Variants in ABTB3 observed in about 807,000 individuals in gnomAD.
The protein encoded by ABTB3 is ankyrin repeat- and BTB/POZ domain-containing protein 3.
chr12:107,376,691 T>A, the ABTB3 span, among the ~76,000 whole-genome samples: 1 of 152,046 alleles, frequency 6.6e-6, no homozygotes, highest in African/African-American at 2.4e-5. Flanking sequence ...GAGAAACAAG[T>A]ACTACTGCTG....
At chr12:107,395,865 A>G in the ABTB3 span, among the ~76,000 whole-genome samples, 1 of 152,374 alleles carries the variant, frequency 6.6e-6, no homozygotes, top group Non-Finnish European at 1.5e-5. Context: ...GCAACACAGC[A>G]ACCCTGTATG....
the ABTB3 span, among the ~76,000 whole-genome samples, chr12:107,490,627 G>A: frequency 6.6e-6 from 1 of 152,094 alleles, no homozygotes; most frequent in African/African-American, 2.4e-5. Flanking sequence ...AAACAACCCT[G>A]TCTCCTGGTG....
the ABTB3 span, among the ~76,000 whole-genome samples, chr12:107,382,883 C>A: frequency 6.6e-6 from 1 of 152,048 alleles, no homozygotes; most frequent in African/African-American, 2.4e-5. Flanking sequence ...ATGTTCTGCA[C>A]GTGTATCCCA....
At chr12:107,474,776 A>T in the ABTB3 span, among the ~76,000 whole-genome samples, 2 of 151,998 alleles carry the variant, frequency 1.3e-5, no homozygotes, top group African/African-American at 4.8e-5. Flanking sequence ...TTAAGGCAGC[A>T]GATGCCCTGC....
the ABTB3 span, among the ~76,000 whole-genome samples, chr12:107,370,598 T>C: frequency 6.6e-6 from 1 of 152,062 alleles, no homozygotes; most frequent in Non-Finnish European, 1.5e-5. Context: ...GGTCTCTGGG[T>C]CACAGGCTTG....
chr12:107,484,143 T>C, the ABTB3 span, among the ~76,000 whole-genome samples: 2 of 152,224 alleles, frequency 1.3e-5, no homozygotes, highest in African/African-American at 4.8e-5. Flanking sequence ...CATCCCTGTC[T>C]TTGTAGAGCT....
At chr12:107,624,888 G>C in the ABTB3 span, among the ~76,000 whole-genome samples, 3 of 152,098 alleles carry the variant, frequency 2.0e-5, no homozygotes, top group African/African-American at 7.2e-5. Flanking sequence ...TTGCATGTTT[G>C]GTTTTTAAAT....
At chr12:107,488,853 T>C in the ABTB3 span, among the ~76,000 whole-genome samples, 1 of 152,048 alleles carries the variant, frequency 6.6e-6, no homozygotes, top group African/African-American at 2.4e-5. Flanking sequence ...TGGAATGCTA[T>C]TTAGAACAGT....
At chr12:107,460,027 C>T in the ABTB3 span, among the ~76,000 whole-genome samples, 3 of 152,234 alleles carry the variant, frequency 2.0e-5, no homozygotes, top group Admixed American at 6.5e-5. Flanking sequence ...CCTGTACCCT[C>T]CTGGTGCCCT....
chr12:107,532,466 C>G, the ABTB3 span, among the ~76,000 whole-genome samples: 2 of 152,238 alleles, frequency 1.3e-5, no homozygotes, highest in African/African-American at 2.4e-5. Flanking sequence ...AAAGGCTACA[C>G]TGCTGCGCCC....
At chr12:107,613,655 G>T in the ABTB3 span, among the ~76,000 whole-genome samples, 1 of 152,046 alleles carries the variant, frequency 6.6e-6, no homozygotes, top group Admixed American at 6.6e-5. Flanking sequence ...GTTAATATTG[G>T]TCCCTCCACC....
the ABTB3 span, among the ~76,000 whole-genome samples, chr12:107,351,778 C>T: frequency 6.6e-6 from 1 of 152,150 alleles, no homozygotes; most frequent in Admixed American, 6.5e-5. Flanking sequence ...ATGACACAGT[C>T]TCAGATATTC....
At chr12:107,634,944 A>T in the ABTB3 span, 2 of 177,898 alleles carry the variant, frequency 1.1e-5, no homozygotes, top group Non-Finnish European at 2.3e-5. Flanking sequence ...CCAGAATTTT[A>T]GAGTACTGGT....
the ABTB3 span, among the ~76,000 whole-genome samples, chr12:107,427,158 C>A: frequency 2.0e-5 from 3 of 152,204 alleles, no homozygotes; most frequent in Admixed American, 6.5e-5. Context: ...CCAGGGGAAA[C>A]CCTTCCTTGC....
At chr12:107,374,285 G>T in the ABTB3 span, among the ~76,000 whole-genome samples, 1 of 152,086 alleles carries the variant, frequency 6.6e-6, no homozygotes, top group African/African-American at 2.4e-5. Context: ...GCCTGACTTC[G>T]CAACAGACAC....
the ABTB3 span, among the ~76,000 whole-genome samples, chr12:107,432,036 T>C: frequency 3.9e-5 from 6 of 152,222 alleles, no homozygotes; most frequent in Non-Finnish European, 8.8e-5. Context: ...GGTTGCAGTT[T>C]TTCTGCCCAG....
the ABTB3 span, among the ~76,000 whole-genome samples, chr12:107,419,131 A>G: frequency 6.6e-6 from 1 of 152,242 alleles, no homozygotes; most frequent in Non-Finnish European, 1.5e-5. Context: ...ATTAAGTAGT[A>G]TCAACTCACA....
chr12:107,420,441 G>C, the ABTB3 span, among the ~76,000 whole-genome samples: 3 of 152,186 alleles, frequency 2.0e-5, no homozygotes, highest in Non-Finnish European at 4.4e-5. Context: ...GCAGGCAAGA[G>C]AGCATGTGCA....
the ABTB3 span, among the ~76,000 whole-genome samples, chr12:107,518,000 A>G: frequency 1.3e-5 from 2 of 152,280 alleles, no homozygotes; most frequent in East Asian, 3.8e-4. Context: ...TGCAGCCGAC[A>G]CATGAAAAAA....
Sources: gnomAD v4.1 joint callset for allele counts (sites outside exome capture counted in the v4.1 genomes callset) on GRCh38, gnomAD v4.1.1 for gene constraint, MANE v1.5 for transcripts, NCBI Gene and HGNC (gene_info 2026-07-23, HGNC 2026-07-21) for gene names.